Variants in MTSS1 observed in about 807,000 individuals in gnomAD.
MTSS1 encodes the protein MTSS I-BAR domain containing 1, also known as protein MTSS 1.
In MTSS1, 18 loss-of-function variants were observed where a neutral mutation model predicts 79.0. That is an observed-to-expected ratio of 0.23 (90% confidence interval 0.16 to 0.34). The LOEUF (loss-of-function observed/expected upper bound fraction) is 0.34. Among genes scored for constraint, MTSS1 ranks in the 10% least tolerant of loss-of-function variants. The pLI is 1.00. For synonymous variants in MTSS1, 341 were observed against 368.6 expected (o/e 0.93, Z 0.86); for missense variants, 815 against 986.2 (o/e 0.83, Z 2.33).
At chr8:124,702,464 G>A (rs1249825080) in intron 2 of MTSS1, among the ~76,000 whole-genome samples, 1 of 152,230 alleles carries the variant, frequency 6.6e-6, no homozygotes. Context: ...TGGGGAAGGT[G>A]CAGTATTCCA....
intron 7 of MTSS1, 124 bp from the exon 8 acceptor site, chr8:124,567,302 G>A (rs1337749584): frequency 1.1e-5 from 9 of 808,692 alleles, no homozygotes; most frequent in Non-Finnish European, 1.8e-5. Flanking sequence ...GCACTGTTGG[G>A]ACTGGCAAAT....
intron 5 of MTSS1, 31 bp from the exon 6 acceptor site, chr8:124,585,192 A>G (rs1187961544): frequency 6.5e-7 from 1 of 1,542,834 alleles, no homozygotes; most frequent in South Asian, 1.2e-5. Flanking sequence ...GAACAATTTT[A>G]CCACTTTGCT....
At position 124,676,450 on chromosome 8, in the gene MTSS1, G is replaced by A. The variant is rs78570461; in HGVS notation, c.208+23076C>T. On this transcript the variant is annotated intron_variant, in intron 3 of 13. Coordinates refer to ENST00000518547, the MANE Select transcript of MTSS1 (RefSeq NM_014751.6). ...CATTTTTATCAAGTCAAGATCTCAC[G>A]ACCATCCAAAGACTCTGAGCTCAAA... Among the ~76,000 whole-genome samples, 367 of 152,282 alleles carry A rather than the reference G, an allele frequency of 2.4e-3. 9 individuals are homozygous for A. In the East Asian group the frequency reaches 0.038, roughly 16 times the overall value.
intron 12 of MTSS1, 145 bp from the exon 13 acceptor site, chr8:124,556,049 T>G: frequency 6.5e-7 from 1 of 1,540,770 alleles, no homozygotes; most frequent in Non-Finnish European, 8.7e-7. Context: ...TAGAAAGTTC[T>G]GCCTCTCTCA....
chr8:124,627,571 C>T (rs574206034), intron 3 of MTSS1, among the ~76,000 whole-genome samples: 25 of 152,338 alleles, frequency 1.6e-4, no homozygotes. Flanking sequence ...GAGACAGAGA[C>T]AATATAAGAC....
intron 3 of MTSS1, among the ~76,000 whole-genome samples, chr8:124,668,586 C>T (rs1424263026): frequency 1.3e-5 from 2 of 152,128 alleles, no homozygotes; most frequent in Non-Finnish European, 2.9e-5. Context: ...AGCACCTACC[C>T]GTGACACTCT....
At position 124,727,128 on chromosome 8, in the gene MTSS1, C is replaced by A. The variant is rs1212532906; in HGVS notation, c.72+756G>T. On this transcript the variant is annotated intron_variant, in intron 1 of 13. Coordinates refer to ENST00000518547, the MANE Select transcript of MTSS1 (RefSeq NM_014751.6). The surrounding 1 kb of genome is among the most constrained non-coding windows in gnomAD (Gnocchi z 4.7). ...CACATGCACGCGCGCACACACACACCATCTTCACAACCCTTCCAAGAGAAA... is the reference window on the plus strand; with the variant it reads ...CACATGCACGCGCGCACACACACACAATCTTCACAACCCTTCCAAGAGAAA... 6.6e-6 allele frequency among the ~76,000 whole-genome samples: 1 copy of A among 152,132 alleles called. No individual in the cohort carries two copies. Among genetic ancestry groups the A allele is most frequent in the Non-Finnish European group, 1.5e-5 (1 of 68,004 alleles).
intron 3 of MTSS1, among the ~76,000 whole-genome samples, chr8:124,606,302 C>G (rs899565422): frequency 1.3e-5 from 2 of 151,330 alleles, no homozygotes; most frequent in African/African-American, 2.4e-5. Flanking sequence ...GCACCCACAA[C>G]TACGCCCAGC....
chr8:124,586,736 A>C (rs946548038), intron 5 of MTSS1, among the ~76,000 whole-genome samples: 38 of 152,222 alleles, frequency 2.5e-4, no homozygotes, highest in African/African-American at 7.5e-4. Context: ...CTGTGCAGAC[A>C]GGCCACTTAG....
In MTSS1 at chr8:124,553,202, G is replaced by C; in HGVS notation, c.2058C>G (p.His686Gln). 6.2e-7 allele frequency: 1 copy of C among 1,614,194 alleles called. No homozygotes were observed. The highest frequency in any genetic ancestry group is 8.5e-7 in the Non-Finnish European group (1 of 1,180,046). ...PGPKPSIPEE[H>Q]RQAIPESEAE... ...CTTCACTTTCTGGAATTGCCTGTCT[G>C]TGCTCCTCAGGGATACTGGGCTTCG... is the stretch of plus-strand genomic sequence containing the variant. The change falls in exon 14 of 14, where the codon CAC becomes CAG. Residue 686 changes from histidine (H) to glutamine (Q), a missense_variant. His to Gln is a conservative substitution (Grantham distance 24). Around this residue, in one of 2 missense-constraint regions of MTSS1, gnomAD observed 590 missense variants for 620.8 expected, o/e 0.95. Transcript: ENST00000518547. This position sits in a 1 kb window ranked among gnomAD's most constrained non-coding sequence, Gnocchi z 6.0.
intron 3 of MTSS1, among the ~76,000 whole-genome samples, chr8:124,692,029 A>AAT (rs1205636309): frequency 2.9e-5 from 4 of 136,388 alleles, no homozygotes; most frequent in African/African-American, 1.1e-4. Context: ...AATTACCCTG[A>AAT]TTTTTTTTTT....
intron 4 of MTSS1, 61 bp downstream of exon 4, chr8:124,591,090 T>G: frequency 7.2e-7 from 1 of 1,385,072 alleles, no homozygotes; most frequent in Non-Finnish European, 1.0e-6. Flanking sequence ...CACACATGAC[T>G]GCTTCCTTAA....
intron 3 of MTSS1, among the ~76,000 whole-genome samples, chr8:124,670,844 T>C (rs945997022): frequency 6.6e-6 from 1 of 152,070 alleles, no homozygotes; most frequent in African/African-American, 2.4e-5. Context: ...AGCATTCTCC[T>C]CCCTCTGAGG....
At chr8:124,615,465 G>A (rs1345118734) in intron 3 of MTSS1, among the ~76,000 whole-genome samples, 1 of 152,140 alleles carries the variant, frequency 6.6e-6, no homozygotes, top group Admixed American at 6.6e-5. Context: ...AAATAAGCCC[G>A]CCACAAAAGG....
chr8:124,717,962 G>A (rs4870920), intron 1 of MTSS1, among the ~76,000 whole-genome samples: 104,493 of 152,046 alleles, frequency 0.69, 36,266 homozygotes, highest in Admixed American at 0.78. Flanking sequence ...ACAAAGCAGT[G>A]CAACACCACA....
At chr8:124,614,307 C>G (rs1278820246) in intron 3 of MTSS1, among the ~76,000 whole-genome samples, 1 of 152,120 alleles carries the variant, frequency 6.6e-6, no homozygotes, top group East Asian at 1.9e-4. Context: ...GAGCTAACAC[C>G]AGGACTTGTC....
chr8:124,584,986 G>A (rs917644480), intron 6 of MTSS1, 101 bp downstream of exon 6: 19 of 957,272 alleles, frequency 2.0e-5, no homozygotes, highest in Admixed American at 4.3e-5. Context: ...TTCCAGGGCC[G>A]TCATACTTAA....
At chr8:124,618,225 TAGGCTGCTGCTGCCC>T (rs1812788274) in intron 3 of MTSS1, among the ~76,000 whole-genome samples, 1 of 152,122 alleles carries the variant, frequency 6.6e-6, no homozygotes, top group Non-Finnish European at 1.5e-5. Flanking sequence ...CTAAATCTCT[TAGGCTGCTGCTGCCC>T]AGGCCTGTCT....
At chr8:124,690,976 G>A (rs1008995813) in intron 3 of MTSS1, among the ~76,000 whole-genome samples, 1 of 151,886 alleles carries the variant, frequency 6.6e-6, no homozygotes, top group Non-Finnish European at 1.5e-5. Context: ...TACTGTCCTG[G>A]GCTCAACACA....
Sources: gnomAD v4.1 joint callset for allele counts (sites outside exome capture counted in the v4.1 genomes callset) on GRCh38, gnomAD v4.1.1 for gene constraint, gnomAD v4.1.1 regional missense constraint, Gnocchi (gnomAD v3.1) non-coding constraint, MANE v1.5 for transcripts, NCBI Gene and HGNC (gene_info 2026-07-23, HGNC 2026-07-21) for gene names.